The following LTBP4 variants were observed in gnomAD, a reference collection of about 807,000 sequenced individuals.
The protein encoded by LTBP4 is latent-transforming growth factor beta-binding protein 4.
Under a neutral mutation model 180.2 loss-of-function variants are expected in LTBP4, and 93 were observed. That is an observed-to-expected ratio of 0.52 (90% CI 0.44 to 0.61). The LOEUF is 0.61. LTBP4 is among the 20% of genes least tolerant of loss of function. LTBP4 has a pLI of 0.00. For missense variants in LTBP4, 2,116 were observed against 2,256.5 expected, an observed-to-expected ratio of 0.94 and a Z score of 1.26; for synonymous variants, 947 against 934.5, an observed-to-expected ratio of 1.01 and a Z score of -0.24.
intron 26 of LTBP4, among the ~76,000 whole-genome samples, chr19:40,625,248 GTATTTATATATA>G (rs2081615645): frequency 6.8e-5 from 4 of 58,730 alleles, no homozygotes; most frequent in Non-Finnish European, 6.6e-5. Context: ...GCTAATTTTT[GTATTTATATATA>G]TATATATATA....
chr19:40,602,708 G>C (rs1356047244), intron 1 of LTBP4, among the ~76,000 whole-genome samples: 1 of 152,180 alleles, frequency 6.6e-6, no homozygotes, highest in Non-Finnish European at 1.5e-5. Flanking sequence ...TGACCTCAAA[G>C]GGACCCCTAT....
chr19:40,608,722 C>T lies in LTBP4; in HGVS notation c.1426+119C>T, dbSNP rs1003804302. 3.7e-5 allele frequency: 43 copies of T among 1,162,606 alleles called. No individual in the cohort carries two copies. In the African/African-American group the frequency reaches 6.0e-4, roughly 16 times the overall value. The allele number at this position is 1,162,606 out of a possible 1,614,324, so 72.0% of individuals were successfully genotyped here. On this transcript the variant is annotated intron_variant, in intron 9 of 29. Coordinates refer to ENST00000396819, the MANE Select transcript of LTBP4 (RefSeq NM_001042545.2). ...GGTCAGGAGTTCGAGACCAGCCTGG[C>T]CAACATGGCGAAACCCTGTCTCTAC...
Position 40,613,073 on chromosome 19 carries a change from G to C in LTBP4, c.2308G>C (p.Glu770Gln). 2 of 1,611,888 alleles carry C rather than the reference G, an allele frequency of 1.2e-6. No individual in the cohort carries two copies. The highest frequency in any genetic ancestry group is 1.7e-6 in the Non-Finnish European group (2 of 1,179,008). ...LHRGRCTDVD[E>Q]CSSGAPPCGP... ...ACCCCCACCCCCCACAGATGTGGAC[G>C]AATGCAGTTCGGGTGCCCCTCCCTG... Residue 770 changes from glutamate to glutamine, a missense_variant, in exon 16 of 30, where the codon GAA becomes CAA. This residue lies in a region of LTBP4 where 877 missense variants were observed against 873.6 expected (regional missense o/e 1.00). Coordinates refer to ENST00000396819, the MANE Select transcript of LTBP4 (RefSeq NM_001042545.2). This position sits in a 1 kb window ranked among gnomAD's most constrained non-coding sequence, Gnocchi z 5.0.
chr19:40,597,769 T>C (rs2081398772), upstream of LTBP4, among the ~76,000 whole-genome samples: 1 of 151,856 alleles, frequency 6.6e-6, no homozygotes, highest in African/African-American at 2.4e-5. Context: ...TGTTGGGGGA[T>C]TCTGGAGGGA....
chr19:40,611,275 A>G lies in LTBP4; in HGVS notation c.1934A>G (p.Asp645Gly), dbSNP rs774443538. ...GGCTCGGCGTGTGAAGAGGATGTGG[A>G]TGAGTGTGCCCAGGAGCCGCCGCCC... ...FRGSACEEDV[D>G]ECAQEPPPCG... The change falls in exon 13 of 30, where the codon GAT becomes GGT. Residue 645 changes from aspartate to glycine, a missense_variant. By Grantham distance (94) the Asp-to-Gly change is moderately conservative. Transcript: ENST00000396819. The surrounding 1 kb of genome is among the most constrained non-coding windows in gnomAD (Gnocchi z 4.4). The G allele has an allele frequency of 1.2e-6, 2 of 1,612,402 alleles. No individual in the cohort carries two copies. The highest frequency in any genetic ancestry group is 1.3e-5 in the African/African-American group (1 of 74,956).
rs2081665002 is a variant in LTBP4 at position 40,629,692 on chromosome 19, G to A, written c.*142G>A. On this transcript the variant is annotated 3_prime_UTR_variant, in exon 30 of 30. Transcript: ENST00000396819. This position sits in a 1 kb window ranked among gnomAD's most constrained non-coding sequence, Gnocchi z 4.5. ...CCTACGGACGCCTGGAAGCTGCGAC[G>A]CCCTGCACTGCTCCCGCCTCCACCA... 1.2e-6 allele frequency: 1 copy of A among 826,902 alleles called. No homozygotes were observed. Among genetic ancestry groups the A allele is most frequent in the Non-Finnish European group, 1.6e-6 (1 of 612,302 alleles). 51.2% of individuals were successfully genotyped at this position (826,902 alleles called of 1,614,324 possible).
intron 26 of LTBP4, among the ~76,000 whole-genome samples, 184 bp from the exon 27 acceptor site, chr19:40,625,673 C>G (rs146150039): frequency 6.6e-6 from 1 of 152,176 alleles, no homozygotes; most frequent in Non-Finnish European, 1.5e-5. Context: ...ATATGACAGT[C>G]TCCTTGTTCC....
In LTBP4 at chr19:40,605,388, G is replaced by A. The variant is rs371706321; in HGVS notation, c.443-17G>A. On this transcript the variant is annotated splice_polypyrimidine_tract_variant and intron_variant, in intron 2 of 29. Transcript: ENST00000396819. This position sits in a 1 kb window ranked among gnomAD's most constrained non-coding sequence, Gnocchi z 5.5. ...AACCCGTGTAGACATCCGTTTGCCC[G>A]GCCGTGCCTCCCCTAGGCGTGGCAT... 1 of 1,612,300 alleles carries A rather than the reference G, an allele frequency of 6.2e-7. No homozygotes were observed. The highest frequency in any genetic ancestry group is 8.5e-7 in the Non-Finnish European group (1 of 1,179,560).
chr19:40,625,759 G>T (rs1188702802), intron 26 of LTBP4, 98 bp from the exon 27 acceptor site: 40 of 1,084,410 alleles, frequency 3.7e-5, no homozygotes, highest in Non-Finnish European at 4.9e-5. Flanking sequence ...TTTGCTGATA[G>T]GCAGAGGGTG....
At chr19:40,597,484 G>A (rs976053708), upstream of LTBP4, 33 of 1,285,294 alleles carry the variant, frequency 2.6e-5, no homozygotes, top group Non-Finnish European at 3.2e-5. Context: ...CTGCTTCGAT[G>A]TGGAGATGCA....
Position 40,609,676 on chromosome 19 carries a change from G to T in LTBP4, c.1558+15G>T, listed in dbSNP as rs2081490059. The T allele has an allele frequency of 6.2e-7, 1 of 1,612,210 alleles. No homozygotes were observed. Among genetic ancestry groups the T allele is most frequent in the East Asian group, 2.2e-5 (1 of 44,864 alleles). On this transcript the variant is annotated intron_variant, in intron 10 of 29. Coordinates refer to ENST00000396819, the MANE Select transcript of LTBP4 (RefSeq NM_001042545.2). The surrounding 1 kb of genome is among the most constrained non-coding windows in gnomAD (Gnocchi z 4.9). ...CCGATGCATTGGTGAGCAAGACGGA[G>T]GGCGCGGAAGGAGGCGGGGCGGGGG...
rs374427407 is a variant in LTBP4, at chr19:40,606,426, C to T, written c.891C>T (p.Gly297=). The T allele has an allele frequency of 3.9e-3, 6,265 of 1,594,500 alleles. 27 individuals carry two copies. The highest frequency in any genetic ancestry group is 4.3e-3 in the Non-Finnish European group (5,049 of 1,169,920). Residue 297 remains glycine, a synonymous_variant, in exon 6 of 30, where the codon GGC becomes GGT. Coordinates refer to ENST00000396819, the MANE Select transcript of LTBP4 (RefSeq NM_001042545.2). The part of the protein sequence containing the change: ...SCEDVDECAT[G]GRCQHGECAN... ...CAGATGTGGATGAGTGCGCGACTGG[C>T]GGGCGCTGCCAGCACGGCGAGTGTG...
Position 40,629,112 on chromosome 19 carries a change from G to A in LTBP4, c.4520-284G>A, listed in dbSNP as rs1207234980. On this transcript the variant is annotated intron_variant, in intron 29 of 29. Transcript: ENST00000396819. This position sits in a 1 kb window ranked among gnomAD's most constrained non-coding sequence, Gnocchi z 4.5. ...GATCCACCCGCCTCAGCCTCCCAAA[G>A]TGCTGAGATTACAGGCATGAGCCAC... Among the ~76,000 whole-genome samples the A allele has an allele frequency of 6.6e-6, 1 of 152,148 alleles. No individual in the cohort carries two copies. Among genetic ancestry groups the A allele is most frequent in the Non-Finnish European group, 1.5e-5 (1 of 68,012 alleles).
chr19:40,622,452 C>T lies in LTBP4; in HGVS notation c.3269C>T (p.Ala1090Val). The change falls in exon 23 of 30, where the codon GCC (alanine) becomes GTC (valine). Residue 1090 changes from alanine (A) to valine (V), a missense_variant. Physicochemically the swap from Ala to Val is moderately conservative, Grantham distance 64. Transcript: ENST00000396819. The surrounding 1 kb of genome is among the most constrained non-coding windows in gnomAD (Gnocchi z 5.1). ...PQAPASPVLP[A>V]RPPPPPLPRR... ...GCACCTGCTAGCCCCGTTCTGCCCGCCAGGCCACCTCCGCCACCCCTGCCC... is the reference window on the plus strand; with the variant it reads ...GCACCTGCTAGCCCCGTTCTGCCCGTCAGGCCACCTCCGCCACCCCTGCCC... 1.3e-6 allele frequency: 2 copies of T among 1,598,690 alleles called. No homozygotes were observed. The highest frequency in any genetic ancestry group is 1.7e-6 in the Non-Finnish European group (2 of 1,171,496).
chr19:40,614,197 TC>T, intron 18 of LTBP4, 117 bp from the exon 19 acceptor site: 3 of 1,442,752 alleles, frequency 2.1e-6, no homozygotes, highest in Non-Finnish European at 2.8e-6. Context: ...ACCCCAATCT[TC>T]TCCTGCCCTC....
At chr19:40,595,905 A>ATTTTTTTGTTTTT (rs2081387319) in intron 1 of LTBP4, among the ~76,000 whole-genome samples, 1 of 60,044 alleles carries the variant, frequency 1.7e-5, no homozygotes, top group Non-Finnish European at 2.8e-5. Context: ...TAATTTTTGG[A>ATTTTTTTGTTTTT]TTTTTTTTTT....
At chr19:40,601,366 G>C, upstream of LTBP4, 4 of 1,172,764 alleles carry the variant, frequency 3.4e-6, no homozygotes, top group Non-Finnish European at 2.1e-6. Context: ...GCGGCGGCGC[G>C]GCGGAGCGCG....
intron 7 of LTBP4, 134 bp from the exon 8 acceptor site, chr19:40,608,086 C>A: frequency 1.1e-6 from 1 of 915,454 alleles, no homozygotes; most frequent in Non-Finnish European, 1.7e-6. Context: ...GGACACCACC[C>A]CATCCCAGCC....
At chr19:40,599,106 G>T, upstream of LTBP4, 3 of 1,146,536 alleles carry the variant, frequency 2.6e-6, no homozygotes, top group South Asian at 4.0e-5. Context: ...GCCCCCTCAG[G>T]ATGCGTCTTG....
Sources: gnomAD v4.1 joint callset for allele counts (sites outside exome capture counted in the v4.1 genomes callset) on GRCh38, gnomAD v4.1.1 for gene constraint, gnomAD v4.1.1 regional missense constraint, Gnocchi (gnomAD v3.1) non-coding constraint, MANE v1.5 for transcripts, NCBI Gene and HGNC (gene_info 2026-07-23, HGNC 2026-07-21) for gene names.